NXN: variants seen among roughly 807,000 people sequenced by gnomAD.
The protein encoded by NXN is nucleoredoxin 1.
Under a neutral mutation model 48.6 loss-of-function variants are expected in NXN, and 16 were observed. That is an observed-to-expected ratio of 0.33 (90% confidence interval 0.22 to 0.50). NXN has a LOEUF of 0.50. Among genes scored for constraint, NXN ranks in the 20% least tolerant of loss-of-function variants. The pLI is 0.98. For missense variants in NXN, 492 were observed against 605.5 expected, an observed-to-expected ratio of 0.81 and a Z score of 1.97; for synonymous variants, 281 against 269.6, an observed-to-expected ratio of 1.04 and a Z score of -0.41.
In NXN at chr17:902,671, ACAGCCCCTCCCATCAT is replaced by A. The variant is rs935468861; in HGVS notation, c.361-76609_361-76594del. 2.0e-4 allele frequency among the ~76,000 whole-genome samples: 31 copies of A among 152,042 alleles called. 1 individual carries two copies. The highest frequency in any genetic ancestry group is 9.7e-4 in the East Asian group (5 of 5,160). ...AGAGTCACACAGAACAAGCACCACGACAGCCCCTCCCATCATCAGCCCCTCCCATCATCAGCCCCTC... is the reference window on the plus strand; with the variant it reads ...AGAGTCACACAGAACAAGCACCACGACAGCCCCTCCCATCATCAGCCCCTC... On this transcript the variant is annotated intron_variant, in intron 1 of 7. Transcript: ENST00000336868.
chr17:845,008 C>T (rs1015606260), intron 1 of NXN, among the ~76,000 whole-genome samples: 3 of 152,086 alleles, frequency 2.0e-5, no homozygotes, highest in Non-Finnish European at 2.9e-5. Context: ...CCCCAGAGCT[C>T]CAGGCTGATT....
chr17:936,247 G>A (rs2068906550), intron 1 of NXN, among the ~76,000 whole-genome samples: 1 of 152,102 alleles, frequency 6.6e-6, no homozygotes, highest in Admixed American at 6.6e-5. Context: ...GGGGCCTGGT[G>A]GAAGCAACCT....
At chr17:882,479 G>GTTTTT (rs59647512) in intron 1 of NXN, among the ~76,000 whole-genome samples, 3 of 152,014 alleles carry the variant, frequency 2.0e-5, no homozygotes, top group Non-Finnish European at 4.4e-5. Context: ...GTTTTGTTTT[G>GTTTTT]TTTTGAGATG....
At chr17:898,557 A>G (rs1332044160) in intron 1 of NXN, among the ~76,000 whole-genome samples, 1 of 71,946 alleles carries the variant, frequency 1.4e-5, no homozygotes, top group African/African-American at 3.2e-5. Flanking sequence ...TCCGGACGCC[A>G]TCTCCTCTGA....
At chr17:838,423 C>T (rs1237840523) in intron 1 of NXN, among the ~76,000 whole-genome samples, 2 of 152,116 alleles carry the variant, frequency 1.3e-5, no homozygotes, top group African/African-American at 4.8e-5. Flanking sequence ...TGAGCCACCG[C>T]GCCCGGCCAT....
At chr17:890,847 C>A (rs1567850861) in intron 1 of NXN, among the ~76,000 whole-genome samples, 1 of 152,032 alleles carries the variant, frequency 6.6e-6, no homozygotes, top group African/African-American at 2.4e-5. Flanking sequence ...ATTCTCCTCC[C>A]AGGCCTATCA....
rs2067895005 is a variant in NXN at position 849,002 on chromosome 17, G to A, written c.361-22924C>T. ...AACCTACCAGGCATTTGTGCCAGAC[G>A]GTATGGGGTCAGATCAAGACAAAGG... is the stretch of plus-strand genomic sequence containing the variant. On this transcript the variant is annotated intron_variant, in intron 1 of 7. Transcript: ENST00000336868. This position sits in a 1 kb window ranked among gnomAD's most constrained non-coding sequence, Gnocchi z 4.2. Among the ~76,000 whole-genome samples the A allele has an allele frequency of 6.6e-6, 1 of 152,180 alleles. No homozygotes were observed. Among genetic ancestry groups the A allele is most frequent in the South Asian group, 2.1e-4 (1 of 4,830 alleles).
At chr17:947,456 G>A (rs191872960) in intron 1 of NXN, among the ~76,000 whole-genome samples, 4 of 151,830 alleles carry the variant, frequency 2.6e-5, no homozygotes, top group Admixed American at 6.6e-5. Context: ...TTCAGGGCTC[G>A]GCGTGGTGGC....
intron 1 of NXN, among the ~76,000 whole-genome samples, chr17:838,239 C>A (rs1913939990): frequency 1.4e-5 from 2 of 142,138 alleles, no homozygotes; most frequent in Admixed American, 1.5e-4. Context: ...TCAAGCAATT[C>A]TTCTGCCTCC....
intron 1 of NXN, chr17:878,178 A>G (rs1458603623): frequency 6.6e-6 from 1 of 151,650 alleles, no homozygotes; most frequent in Non-Finnish European, 1.5e-5. Context: ...TGAAAAGACA[A>G]CGTGTACAGC....
At chr17:964,711 T>C (rs2069281675) in intron 1 of NXN, among the ~76,000 whole-genome samples, 1 of 152,160 alleles carries the variant, frequency 6.6e-6, no homozygotes, top group Admixed American at 6.6e-5. Context: ...AAGACACTTG[T>C]GTAAGAAAAG....
At chr17:930,475 A>G (rs1225314915) in intron 1 of NXN, 1 of 152,100 alleles carries the variant, frequency 6.6e-6, no homozygotes, top group Non-Finnish European at 1.5e-5. Flanking sequence ...GCCACAAACA[A>G]TATTTACAGA....
In NXN at chr17:805,222, G is replaced by A. The variant is rs752025204; in HGVS notation, c.846C>T (p.Asp282=). 5 of 1,611,822 alleles carry A rather than the reference G, an allele frequency of 3.1e-6. No homozygotes were observed. The highest frequency in any genetic ancestry group is 4.2e-6 in the Non-Finnish European group (5 of 1,179,518). ...GCCGCGTGATCACCTCGCCCTGCGGGTCCAGCATGATGAGCGTGGGGATGC... is the reference window on the plus strand; with the variant it reads ...GCCGCGTGATCACCTCGCCCTGCGGATCCAGCATGATGAGCGTGGGGATGC... ...IQGIPTLIML[D]PQGEVITRQG... is the part of the protein sequence containing the mutation. The change falls in exon 6 of 8, where the codon GAC becomes GAT. Residue 282 remains aspartate, a synonymous_variant. Coordinates refer to ENST00000336868, the MANE Select transcript of NXN (RefSeq NM_022463.5).
chr17:811,597 G>C (rs574156760), intron 5 of NXN, among the ~76,000 whole-genome samples: 20 of 152,204 alleles, frequency 1.3e-4, no homozygotes, highest in Admixed American at 1.2e-3. Context: ...GGTGAGCCCA[G>C]TGGTCCTGTG....
At chr17:934,658 G>C (rs1397223451) in intron 1 of NXN, among the ~76,000 whole-genome samples, 4 of 151,850 alleles carry the variant, frequency 2.6e-5, no homozygotes, top group African/African-American at 9.6e-5. Context: ...TGGATCACCT[G>C]AGGTCAGGAG....
chr17:875,825 G>T (rs2068208368), intron 1 of NXN, among the ~76,000 whole-genome samples: 1 of 151,960 alleles, frequency 6.6e-6, no homozygotes, highest in African/African-American at 2.4e-5. Context: ...TCAAGCTCCT[G>T]GCTTCAAGCT....
chr17:888,083 A>G (rs2068368193), intron 1 of NXN, among the ~76,000 whole-genome samples: 1 of 152,178 alleles, frequency 6.6e-6, no homozygotes, highest in South Asian at 2.1e-4. Flanking sequence ...TTGGGTTCAT[A>G]CGACACGGAT....
intron 1 of NXN, among the ~76,000 whole-genome samples, chr17:829,937 T>A (rs1290298803): frequency 6.6e-6 from 1 of 152,182 alleles, no homozygotes; most frequent in Admixed American, 6.6e-5. Flanking sequence ...AACATACGTG[T>A]GCATGTGTCT....
rs1567519638 is a variant in NXN at position 958,641 on chromosome 17, TGC to T, written c.360+20676_360+20677del. Among the ~76,000 whole-genome samples, 1 of 151,856 alleles carries T rather than the reference TGC, an allele frequency of 6.6e-6. No individual in the cohort carries two copies. Reference sequence around the variant, plus strand: ...CAAAAATTAGCCAGGCGTGGTGGCGTGCGCCTGTAGTCCCAGCTACTCAGGAG... The same window carrying T: ...CAAAAATTAGCCAGGCGTGGTGGCGTGCCTGTAGTCCCAGCTACTCAGGAG... On this transcript the variant is annotated intron_variant, in intron 1 of 7. Transcript: ENST00000336868. The surrounding 1 kb of genome is among the most constrained non-coding windows in gnomAD (Gnocchi z 6.9).
Sources: allele counts gnomAD v4.1 joint callset (sites outside exome capture counted in the v4.1 genomes callset), GRCh38; gene constraint gnomAD v4.1.1; non-coding constraint Gnocchi (gnomAD v3.1); transcripts MANE v1.5; gene names NCBI Gene and HGNC (gene_info 2026-07-23, HGNC 2026-07-21).